Variants in DSC3 observed in about 807,000 individuals in gnomAD.
The protein encoded by DSC3 is desmocollin 3, also known as desmocollin-3.
DSC3 carries 97 observed loss-of-function variants against 89.5 expected under a neutral mutation model. The observed-to-expected ratio is 1.08, with a 90% CI of 0.92 to 1.28. The LOEUF (loss-of-function observed/expected upper bound fraction) is 1.28, where lower values mean the gene tolerates loss of function less well. Among genes scored for constraint, DSC3 ranks in the 50% most tolerant of loss-of-function variants. The pLI is 0.00. For synonymous variants in DSC3, 436 were observed against 384.1 expected, an observed-to-expected ratio of 1.14 and a Z score of -1.58; for missense variants, 1,199 against 1,085.3, an observed-to-expected ratio of 1.10 and a Z score of -1.47.
chr18:31,026,440 G>C (rs1427962168), intron 4 of DSC3, among the ~76,000 whole-genome samples: 3 of 152,094 alleles, frequency 2.0e-5, no homozygotes, highest in Non-Finnish European at 4.4e-5. Context: ...AATACTTGCT[G>C]TTTTGTCAAG....
At chr18:31,036,377 C>T (rs528312490) in intron 1 of DSC3, among the ~76,000 whole-genome samples, 1 of 152,200 alleles carries the variant, frequency 6.6e-6, no homozygotes, top group South Asian at 2.1e-4. Context: ...CCTTTAATCA[C>T]TTATCTATTG....
At chr18:31,006,273 C>T (rs1984836093) in intron 12 of DSC3, among the ~76,000 whole-genome samples, 1 of 141,556 alleles carries the variant, frequency 7.1e-6, no homozygotes, top group Non-Finnish European at 1.5e-5. Context: ...ACATCTTCTG[C>T]TCTCTCCTCA....
intron 2 of DSC3, among the ~76,000 whole-genome samples, chr18:31,031,835 C>T (rs983089925): frequency 2.0e-5 from 3 of 152,118 alleles, no homozygotes; most frequent in Non-Finnish European, 4.4e-5. Flanking sequence ...GTCATCCATG[C>T]CATTCTTCAA....
At chr18:31,026,052 T>G in intron 4 of DSC3, 137 bp from the exon 5 acceptor site, 2 of 906,682 alleles carry the variant, frequency 2.2e-6, no homozygotes, top group Non-Finnish European at 3.3e-6. Context: ...TAATAACCAT[T>G]GTTGGCAAGA....
At chr18:31,024,213 G>T (rs1390875471) in intron 6 of DSC3, 136 bp downstream of exon 6, 4 of 766,118 alleles carry the variant, frequency 5.2e-6, no homozygotes, top group Non-Finnish European at 7.7e-6. Context: ...ATGGGATTAA[G>T]TGTTTTCTGG....
chr18:31,028,828 T>C (rs276943), intron 4 of DSC3, among the ~76,000 whole-genome samples: 84,745 of 151,938 alleles, frequency 0.56, 24,456 homozygotes, highest in East Asian at 0.94. Context: ...AACTTACTAG[T>C]AGAATGCACA....
intron 14 of DSC3, among the ~76,000 whole-genome samples, chr18:31,000,914 T>C (rs185784059): frequency 3.1e-4 from 47 of 151,974 alleles, no homozygotes; most frequent in Admixed American, 6.6e-4. Context: ...AAGTAGGATC[T>C]ATTTCTCATA....
At chr18:31,005,927 A>G (rs770915282) in intron 12 of DSC3, among the ~76,000 whole-genome samples, 1 of 152,190 alleles carries the variant, frequency 6.6e-6, no homozygotes, top group Non-Finnish European at 1.5e-5. Context: ...AGTGCTTAAT[A>G]GATAGTAGAT....
intron 2 of DSC3, among the ~76,000 whole-genome samples, chr18:31,031,607 G>A (rs1358299401): frequency 1.3e-5 from 2 of 152,182 alleles, no homozygotes; most frequent in Non-Finnish European, 2.9e-5. Flanking sequence ...TGGAGTGTAT[G>A]AGTTTGGTAA....
rs1170814486 is a variant in DSC3 at position 31,007,120 on chromosome 18, A to G, written c.1675T>C (p.Cys559Arg). The G allele has an allele frequency of 3.1e-6, 5 of 1,610,946 alleles. No homozygotes were observed. The highest frequency in any genetic ancestry group is 3.4e-6 in the Non-Finnish European group (4 of 1,177,364). The part of the protein sequence containing the change: ...VLAIDKDDRS[C>R]TGTLAVNIED... ...ATGTTCACAGCAAGTGTTCCAGTACATGATCTATCATCTAAGGAGACAGGA... is the reference window on the plus strand; with the variant it reads ...ATGTTCACAGCAAGTGTTCCAGTACGTGATCTATCATCTAAGGAGACAGGA... The change falls in exon 12 of 16, where the codon TGT (cysteine) becomes CGT (arginine). Residue 559 changes from cysteine to arginine, a missense_variant. Cys to Arg is a radical substitution (Grantham distance 180). Transcript: ENST00000360428.
chr18:31,032,581 TGTGTGTGTGCGTGTGC>T lies in DSC3; in HGVS notation c.70-321_70-306del, dbSNP rs757673908. On this transcript the variant is annotated intron_variant, in intron 1 of 15. Coordinates refer to ENST00000360428, the MANE Select transcript of DSC3 (RefSeq NM_001941.5). ...GTGTGTGTGTGTGTGTGTGTGTGTG[TGTGTGTGTGCGTGTGC>T]GTGTGCGTGTGCGTGTGTGACTGAG... Among the ~76,000 whole-genome samples, 447 of 123,518 alleles carry T rather than the reference TGTGTGTGTGCGTGTGC, an allele frequency of 3.6e-3. 2 individuals carry two copies. Among genetic ancestry groups the T allele is most frequent in the East Asian group, 0.031 (91 of 2,932 alleles). The allele number at this position is 123,518 out of a possible 152,430, so 81.0% of individuals were successfully genotyped here.
rs182591648 is a variant in DSC3 at position 31,035,350 on chromosome 18, A to G, written c.70-3074T>C. Among the ~76,000 whole-genome samples the G allele has an allele frequency of 5.9e-5, 9 of 152,220 alleles. No homozygotes were observed. In the East Asian group the frequency reaches 1.7e-3, roughly 29 times the overall value. Reference sequence around the variant, plus strand: ...TATGGACAAATAGGGCCAACATGTAACAATGCTGTTTAATTTAGATATAAT... The same window carrying G: ...TATGGACAAATAGGGCCAACATGTAGCAATGCTGTTTAATTTAGATATAAT... On this transcript the variant is annotated intron_variant, in intron 1 of 15. Transcript: ENST00000360428.
intron 7 of DSC3, among the ~76,000 whole-genome samples, 156 bp from the exon 8 acceptor site, chr18:31,018,956 G>A (rs528056521): frequency 7.2e-5 from 11 of 152,254 alleles, no homozygotes; most frequent in African/African-American, 2.6e-4. Context: ...CTAGGAATTT[G>A]GTAGACAAGG....
intron 6 of DSC3, among the ~76,000 whole-genome samples, chr18:31,023,510 A>G (rs1985493850): frequency 6.6e-6 from 1 of 152,170 alleles, no homozygotes; most frequent in Non-Finnish European, 1.5e-5. Flanking sequence ...ATTTTTTTAA[A>G]TTTTTAAAAT....
rs1427272746 is a variant in DSC3, at chr18:31,018,750, C to T, written c.993G>A (p.Gln331=). The T allele has an allele frequency of 4.3e-6, 7 of 1,613,876 alleles. No homozygotes were observed. The highest frequency in any genetic ancestry group is 1.7e-4 in the Middle Eastern group (1 of 6,038). ...LIMKVQDMDG[Q]FFGLIGTSTC... ...TTGATGTGCCTATCAATCCAAAAAA[C>T]TGGCCATCCATGTCTTGTACTTTCA... The change falls in exon 8 of 16, where the codon CAG becomes CAA. Residue 331 remains glutamine (Q), a synonymous_variant. Transcript: ENST00000360428.
chr18:31,038,708 A>C (rs1986044674), intron 1 of DSC3, among the ~76,000 whole-genome samples: 1 of 152,106 alleles, frequency 6.6e-6, no homozygotes, highest in Non-Finnish European at 1.5e-5. Context: ...CAAAGATTAC[A>C]TATAGCATGT....
rs1196346009 is a variant in DSC3 at position 30,990,900 on chromosome 18, T to A, written c.*3275A>T. On this transcript the variant is annotated 3_prime_UTR_variant, in exon 16 of 16. Coordinates refer to ENST00000360428, the MANE Select transcript of DSC3 (RefSeq NM_001941.5). ...GTGATCTCTTCCCAACATTACAATA[T>A]ATATTAATGATGTCGACAATTTGAT... The A allele has an allele frequency of 6.6e-6, 1 of 152,196 alleles. No individual in the cohort carries two copies. The highest frequency in any genetic ancestry group is 1.5e-5 in the Non-Finnish European group (1 of 68,042). 9.4% of individuals were successfully genotyped at this position (152,196 alleles called of 1,614,324 possible).
At chr18:31,022,196 G>GA (rs892956052) in intron 7 of DSC3, 140 bp downstream of exon 7, 53 of 1,049,656 alleles carry the variant, frequency 5.0e-5, no homozygotes, top group Non-Finnish European at 6.4e-5. Flanking sequence ...ATAAAAAACA[G>GA]AAAAAATTGT....
At chr18:31,005,271 C>T (rs987624638) in intron 12 of DSC3, among the ~76,000 whole-genome samples, 8 of 152,156 alleles carry the variant, frequency 5.3e-5, no homozygotes, top group African/African-American at 7.2e-5. Context: ...GAAATCTCTC[C>T]GCTCCCTCAA....
Sources: allele counts gnomAD v4.1 joint callset (sites outside exome capture counted in the v4.1 genomes callset), GRCh38; gene constraint gnomAD v4.1.1; transcripts MANE v1.5; gene names NCBI Gene and HGNC (gene_info 2026-07-23, HGNC 2026-07-21).